The following ITGB3BP variants were observed in gnomAD, a reference collection of about 807,000 sequenced individuals.
The protein encoded by ITGB3BP is integrin subunit beta 3 binding protein, also known as centromere protein R.
A neutral mutation model predicts 29.1 loss-of-function variants in ITGB3BP; 27 were observed. The ratio of observed to expected loss-of-function variants is 0.93; its 90% CI spans 0.68 to 1.28. The LOEUF (loss-of-function observed/expected upper bound fraction) is 1.28, where lower values mean the gene tolerates loss of function less well. Among genes scored for constraint, ITGB3BP ranks in the 50% most tolerant of loss-of-function variants. ITGB3BP has a pLI of 0.00. For synonymous variants in ITGB3BP, 61 were observed against 61.4 expected, an observed-to-expected ratio of 0.99 and a Z score of 0.03; for missense variants, 192 against 200.2, an observed-to-expected ratio of 0.96 and a Z score of 0.25.
intron 4 of ITGB3BP, among the ~76,000 whole-genome samples, chr1:63,466,357 T>A (rs1570162432): frequency 6.6e-6 from 1 of 152,202 alleles, no homozygotes; most frequent in Admixed American, 6.5e-5. Flanking sequence ...AAACTACATA[T>A]GACGACAACA....
rs1415895564 is a variant in ITGB3BP, at chr1:63,473,697, G to A, written c.254+5067C>T. On this transcript the variant is annotated intron_variant, in intron 4 of 8. Coordinates refer to ENST00000271002, the MANE Select transcript of ITGB3BP (RefSeq NM_014288.5). Reference sequence around the variant, plus strand: ...GGATCAGCCCCCTGCCTGGCCAGCCGCCCCGTCCGGGAGGTGAGGGGCGCC... The same window carrying A: ...GGATCAGCCCCCTGCCTGGCCAGCCACCCCGTCCGGGAGGTGAGGGGCGCC... Among the ~76,000 whole-genome samples the A allele has an allele frequency of 3.0e-3, 221 of 72,618 alleles. 1 individual carries two copies. The highest frequency in any genetic ancestry group is 5.4e-3 in the Non-Finnish European group (182 of 33,816). 47.6% of individuals were successfully genotyped at this position (72,618 alleles called of 152,430 possible). A position where few individuals can be genotyped will look rare whatever the true frequency, so the allele number is the denominator to read the frequency against.
rs1206436760 is a variant in ITGB3BP at position 63,516,365 on chromosome 1, A to G, written c.5+6764T>C. Among the ~76,000 whole-genome samples the G allele has an allele frequency of 7.8e-3, 298 of 38,346 alleles. 2 individuals are homozygous for G. Among genetic ancestry groups the G allele is most frequent in the Non-Finnish European group, 0.015 (246 of 16,590 alleles). 25.2% of individuals were successfully genotyped at this position (38,346 alleles called of 152,430 possible). A position where few individuals can be genotyped will look rare whatever the true frequency, so the allele number is the denominator to read the frequency against. On this transcript the variant is annotated intron_variant, in intron 1 of 8. Transcript: ENST00000271002. ...AGCGGAGCGGGGGAAGGTGGGGGAG[A>G]AGGGGGGGGGAAGGGAAAAGGAAAG...
intron 2 of ITGB3BP, among the ~76,000 whole-genome samples, chr1:63,502,593 C>T (rs536840985): frequency 1.2e-4 from 18 of 151,056 alleles, no homozygotes; most frequent in African/African-American, 3.6e-4. Context: ...ATACATGTGC[C>T]GTGTTGATGT....
intron 2 of ITGB3BP, 130 bp downstream of exon 2, chr1:63,508,398 A>G: frequency 1.9e-6 from 1 of 519,610 alleles, no homozygotes; most frequent in South Asian, 3.3e-5. Flanking sequence ...TGGTGTACCA[A>G]TCACAATTAT....
intron 7 of ITGB3BP, among the ~76,000 whole-genome samples, chr1:63,448,674 C>T (rs1381142261): frequency 6.6e-6 from 1 of 152,072 alleles, no homozygotes; most frequent in African/African-American, 2.4e-5. Context: ...GTTCACCTGT[C>T]AGGTGACACA....
chr1:63,505,198 T>C (rs1437022868), intron 2 of ITGB3BP, among the ~76,000 whole-genome samples: 4 of 152,208 alleles, frequency 2.6e-5, no homozygotes, highest in African/African-American at 4.8e-5. Flanking sequence ...AGCCTGTTAT[T>C]GGTCTATTCG....
chr1:63,463,401 G>A (rs992676612), intron 4 of ITGB3BP, among the ~76,000 whole-genome samples: 3 of 152,074 alleles, frequency 2.0e-5, no homozygotes, highest in African/African-American at 7.2e-5. Flanking sequence ...TGAGTTCATT[G>A]CAAAACAGGA....
intron 4 of ITGB3BP, among the ~76,000 whole-genome samples, chr1:63,473,364 C>CCCGGCCAGCCGCCCCGT: frequency 6.7e-6 from 1 of 149,644 alleles, no homozygotes; most frequent in African/African-American, 2.5e-5. Context: ...CAGCCCCCCG[C>CCCGGCCAGCCGCCCCGT]CCGGCCAGCC....
At chr1:63,526,490 A>G (rs144669790), upstream of ITGB3BP, among the ~76,000 whole-genome samples, 1,191 of 152,298 alleles carry the variant, frequency 7.8e-3, 13 homozygotes, top group African/African-American at 0.026. Context: ...AAACCCTGAC[A>G]TATTTGTGCA....
intron 1 of ITGB3BP, among the ~76,000 whole-genome samples, chr1:63,519,720 T>C (rs1462427225): frequency 6.6e-6 from 1 of 152,072 alleles, no homozygotes; most frequent in Non-Finnish European, 1.5e-5. Context: ...CCTACTTCTT[T>C]ATAATCAACC....
At chr1:63,492,597 A>G (rs1645676092) in intron 2 of ITGB3BP, among the ~76,000 whole-genome samples, 1 of 152,146 alleles carries the variant, frequency 6.6e-6, no homozygotes, top group African/African-American at 2.4e-5. Flanking sequence ...CCACAAAAGG[A>G]AGAATTAAGA....
chr1:63,502,758 C>T (rs537694951), intron 2 of ITGB3BP, among the ~76,000 whole-genome samples: 79 of 149,248 alleles, frequency 5.3e-4, no homozygotes, highest in African/African-American at 1.6e-3. Context: ...AGTGAGAACA[C>T]GCGGTGTTTG....
intron 3 of ITGB3BP, among the ~76,000 whole-genome samples, chr1:63,485,611 CACT>C (rs1165057747): frequency 6.6e-6 from 1 of 152,038 alleles, no homozygotes; most frequent in African/African-American, 2.4e-5. Flanking sequence ...ATCTGAGGTT[CACT>C]TTACCTCTTA....
intron 2 of ITGB3BP, among the ~76,000 whole-genome samples, chr1:63,503,113 T>A (rs1453994267): frequency 2.0e-5 from 3 of 152,184 alleles, no homozygotes; most frequent in African/African-American, 7.2e-5. Context: ...ATGGTTGAAC[T>A]AGTTTACAGT....
intron 8 of ITGB3BP, among the ~76,000 whole-genome samples, chr1:63,445,182 A>C (rs1234713998): frequency 6.6e-6 from 1 of 152,132 alleles, no homozygotes; most frequent in Non-Finnish European, 1.5e-5. Context: ...GCTACTCGGG[A>C]GGCTGGGGCA....
chr1:63,519,061 G>C (rs1254841426), intron 1 of ITGB3BP, among the ~76,000 whole-genome samples: 3 of 152,056 alleles, frequency 2.0e-5, no homozygotes, highest in Non-Finnish European at 4.4e-5. Flanking sequence ...CCCCATAATA[G>C]TGTTTAATTT....
chr1:63,514,119 T>C (rs1400271598), intron 1 of ITGB3BP, among the ~76,000 whole-genome samples: 3 of 152,220 alleles, frequency 2.0e-5, no homozygotes, highest in Admixed American at 1.3e-4. Flanking sequence ...TAGAATTTCA[T>C]ATAAATAGAA....
chr1:63,447,453 A>G (rs1313857472), intron 7 of ITGB3BP: 3 of 407,262 alleles, frequency 7.4e-6, no homozygotes, highest in Non-Finnish European at 1.5e-5. Context: ...GCCAAAGAGG[A>G]GCCCAGAAAG....
intron 2 of ITGB3BP, among the ~76,000 whole-genome samples, chr1:63,502,802 TG>T (rs1240688422): frequency 6.6e-6 from 1 of 151,978 alleles, no homozygotes; most frequent in Non-Finnish European, 1.5e-5. Flanking sequence ...CTGAGAATGA[TG>T]GTTTCCAGCT....
Sources: allele counts gnomAD v4.1 joint callset (sites outside exome capture counted in the v4.1 genomes callset), GRCh38; gene constraint gnomAD v4.1.1; transcripts MANE v1.5; gene names NCBI Gene and HGNC (gene_info 2026-07-23, HGNC 2026-07-21).